Variants in SRPRA observed in about 807,000 individuals in gnomAD.
The protein encoded by SRPRA is signal recognition particle receptor subunit alpha.
A neutral mutation model predicts 61.1 loss-of-function variants in SRPRA; 30 were observed. The ratio of observed to expected loss-of-function variants is 0.49; its 90% confidence interval spans 0.37 to 0.67. The LOEUF is 0.67. Among genes scored for constraint, SRPRA ranks in the 30% least tolerant of loss-of-function variants. The pLI is 0.00. For missense variants in SRPRA, 759 were observed against 828.4 expected (o/e 0.92, Z 1.03); for synonymous variants, 324 against 299.7 (o/e 1.08, Z -0.84).
the SRPRA span, among the ~76,000 whole-genome samples, chr11:126,242,438 A>G: frequency 6.6e-6 from 1 of 152,224 alleles, no homozygotes; most frequent in Admixed American, 6.5e-5. Flanking sequence ...AAAAGAAAAA[A>G]AAAAGTGAAA....
chr11:126,266,964 C>G (rs747193494), intron 4 of SRPRA, 42 bp from the exon 5 acceptor site: 2 of 1,597,980 alleles, frequency 1.3e-6, no homozygotes, highest in Admixed American at 3.6e-5. Flanking sequence ...GAAGACCAAT[C>G]CCAACCACTA....
chr11:126,266,444 T>C (rs1271811983), intron 6 of SRPRA, 32 bp downstream of exon 6: 5 of 1,606,452 alleles, frequency 3.1e-6, no homozygotes, highest in Admixed American at 1.7e-5. Flanking sequence ...AATTTGTTGT[T>C]AAAGATCACT....
Position 126,267,404 on chromosome 11 carries a change from G to A in SRPRA, c.366-69C>T. On this transcript the variant is annotated intron_variant, in intron 3 of 13. Transcript: ENST00000332118. This position sits in a 1 kb window ranked among gnomAD's most constrained non-coding sequence, Gnocchi z 4.2. The stretch of plus-strand genomic sequence containing the variant: ...AGGAAAAATAACGGTCCAGAGAAAG[G>A]ACTCTCACACCCAAGAGGACAATGA... The A allele has an allele frequency of 6.3e-7, 1 of 1,597,396 alleles. No individual in the cohort carries two copies. The highest frequency in any genetic ancestry group is 1.1e-5 in the South Asian group (1 of 88,948).
At chr11:126,259,581 A>C (rs1950641695), downstream of SRPRA, among the ~76,000 whole-genome samples, 5 of 151,884 alleles carry the variant, frequency 3.3e-5, no homozygotes, top group Admixed American at 3.3e-4. Context: ...GCCCACCACC[A>C]TGCCCGGCTA....
chr11:126,241,226 C>T, the SRPRA span: 1 of 577,350 alleles, frequency 1.7e-6, no homozygotes, highest in Non-Finnish European at 2.9e-6. Flanking sequence ...CTACTCAGGA[C>T]AGTTGTCTTA....
downstream of SRPRA, chr11:126,260,822 T>C (rs1950676278): frequency 6.6e-6 from 1 of 152,316 alleles, no homozygotes; most frequent in South Asian, 2.1e-4. Context: ...CTATTATCTA[T>C]GCCAAGTGTT....
At chr11:126,254,201 T>G in the SRPRA span, 1 of 1,367,228 alleles carries the variant, frequency 7.3e-7, no homozygotes, top group Non-Finnish European at 9.9e-7. Context: ...AGCTAGAGAG[T>G]TTATGTCAGA....
At chr11:126,240,633 G>A in the SRPRA span, among the ~76,000 whole-genome samples, 1 of 152,068 alleles carries the variant, frequency 6.6e-6, no homozygotes, top group Non-Finnish European at 1.5e-5. Context: ...TATTCTGGTT[G>A]TTTTCTTTAA....
At position 126,265,008 on chromosome 11, in the gene SRPRA, C is replaced by T; in HGVS notation, c.1476G>A (p.Lys492=). 1.9e-6 allele frequency: 3 copies of T among 1,614,168 alleles called. No individual in the cohort carries two copies. Among genetic ancestry groups the T allele is most frequent in the Middle Eastern group, 3.3e-4 (2 of 6,062 alleles). ...TGCCAGCAGCATCCTTGCCATAGCC[C>T]TTTTCAAACAACTGCACCATGGTGC... ...GGRTMVQLFE[K]GYGKDAAGIA... Residue 492 remains lysine (K), a synonymous_variant, in exon 11 of 14, where the codon AAG becomes AAA. Coordinates refer to ENST00000332118, the MANE Select transcript of SRPRA (RefSeq NM_003139.4). This position sits in a 1 kb window ranked among gnomAD's most constrained non-coding sequence, Gnocchi z 6.3.
At chr11:126,249,762 AAAAG>A in the SRPRA span, among the ~76,000 whole-genome samples, 1 of 150,512 alleles carries the variant, frequency 6.6e-6, no homozygotes, top group South Asian at 2.1e-4. Flanking sequence ...AAAGAAAAAG[AAAAG>A]GAGATGCCAA....
At chr11:126,237,021 A>G in the SRPRA span, among the ~76,000 whole-genome samples, 1 of 143,490 alleles carries the variant, frequency 7.0e-6, no homozygotes, top group Non-Finnish European at 1.5e-5. Context: ...GGTTCACACC[A>G]TTCTCCTGCC....
the SRPRA span, among the ~76,000 whole-genome samples, chr11:126,255,557 A>T: frequency 6.6e-6 from 1 of 152,204 alleles, no homozygotes; most frequent in Non-Finnish European, 1.5e-5. The surrounding 1 kb of genome is among the most constrained non-coding windows in gnomAD (Gnocchi z 4.6). Context: ...CCGATGATGG[A>T]ATTATCTTCT....
rs374575252 is a variant in SRPRA at position 126,268,786 on chromosome 11, T to C, written c.19A>G (p.Ile7Val). MLDFFT[I>V]FSKGGLVLWC... is the part of the protein sequence containing the mutation. ...AGCACAAGCCCGCCCTTGGAGAAAA[T>C]GGTGAAGAAGTCGAGCATGGCGGCA... is the stretch of plus-strand genomic sequence containing the variant. Residue 7 changes from isoleucine to valine, a missense_variant, in exon 1 of 14, where the codon ATT (isoleucine) becomes GTT (valine). Physicochemically the swap from Ile to Val is conservative, Grantham distance 29. Around this residue, in one of 2 missense-constraint regions of SRPRA, gnomAD observed 475 missense variants for 462.5 expected, o/e 1.03. Coordinates refer to ENST00000332118, the MANE Select transcript of SRPRA (RefSeq NM_003139.4). 1.4e-5 allele frequency: 23 copies of C among 1,613,066 alleles called. No individual in the cohort carries two copies. Among genetic ancestry groups the C allele is most frequent in the African/African-American group, 4.0e-5 (3 of 74,756 alleles).
chr11:126,266,777 A>T lies in SRPRA; in HGVS notation c.672T>A (p.Gly224=). The part of the protein sequence containing the change: ...REEFIQKHGR[G]MEKSNKSTKS... ...AGAGTGCTCACTTGGACTTCTCCATACCCCTCCCATGCTTCTGAATGAACT... is the reference window on the plus strand; with the variant it reads ...AGAGTGCTCACTTGGACTTCTCCATTCCCCTCCCATGCTTCTGAATGAACT... Residue 224 remains glycine, a synonymous_variant, in exon 5 of 14, where the codon GGT becomes GGA. Coordinates refer to ENST00000332118, the MANE Select transcript of SRPRA (RefSeq NM_003139.4). 6.2e-7 allele frequency: 1 copy of T among 1,613,860 alleles called. No individual in the cohort carries two copies. Among genetic ancestry groups the T allele is most frequent in the South Asian group, 1.1e-5 (1 of 91,054 alleles).
chr11:126,266,768 C>T lies in SRPRA; in HGVS notation c.681G>A (p.Lys227=). 6.2e-7 allele frequency: 1 copy of T among 1,613,938 alleles called. No homozygotes were observed. The highest frequency in any genetic ancestry group is 8.5e-7 in the Non-Finnish European group (1 of 1,179,948). Residue 227 remains lysine (K), a synonymous_variant, in exon 5 of 14, where the codon AAG becomes AAA. Coordinates refer to ENST00000332118, the MANE Select transcript of SRPRA (RefSeq NM_003139.4). The stretch of plus-strand genomic sequence containing the variant: ...ACTGGAGAAAGAGTGCTCACTTGGA[C>T]TTCTCCATACCCCTCCCATGCTTCT... ...FIQKHGRGME[K]SNKSTKSDAP... is the part of the protein sequence containing the mutation.
At chr11:126,250,586 T>A in the SRPRA span, 1 of 1,614,108 alleles carries the variant, frequency 6.2e-7, no homozygotes, top group Non-Finnish European at 8.5e-7. The surrounding 1 kb of genome is among the most constrained non-coding windows in gnomAD (Gnocchi z 5.1). Flanking sequence ...AGATGGAAGA[T>A]TCTGGAAAAC....
downstream of SRPRA, among the ~76,000 whole-genome samples, chr11:126,259,425 CT>C (rs397945854): frequency 5.8e-3 from 752 of 129,400 alleles, 2 homozygotes; most frequent in African/African-American, 0.018. Flanking sequence ...CGTTGTGGTA[CT>C]TTTTTTTTTT....
chr11:126,266,111 T>C, intron 7 of SRPRA, 30 bp from the exon 8 acceptor site: 2 of 1,613,134 alleles, frequency 1.2e-6, no homozygotes, highest in Non-Finnish European at 1.7e-6. Context: ...CACATACACA[T>C]AAAACCAGTA....
chr11:126,236,540 C>G, the SRPRA span, among the ~76,000 whole-genome samples: 1 of 152,064 alleles, frequency 6.6e-6, no homozygotes, highest in Non-Finnish European at 1.5e-5. Context: ...TTCTCAGTAA[C>G]CTGAAATTTC....
Sources: allele counts gnomAD v4.1 joint callset (sites outside exome capture counted in the v4.1 genomes callset), GRCh38; gene constraint gnomAD v4.1.1; regional missense constraint gnomAD v4.1.1; non-coding constraint Gnocchi (gnomAD v3.1); transcripts MANE v1.5; gene names NCBI Gene and HGNC (gene_info 2026-07-23, HGNC 2026-07-21).